Variants in NAV2 observed in about 807,000 individuals in gnomAD.
NAV2 encodes the protein helicase, APC down-regulated 1.
Under a neutral mutation model 223.2 loss-of-function variants are expected in NAV2, and 54 were observed. The ratio of observed to expected loss-of-function variants is 0.24; its 90% confidence interval spans 0.19 to 0.30. The LOEUF is 0.30. NAV2 is among the 10% of genes least tolerant of loss of function. NAV2 has a pLI of 1.00. For missense variants in NAV2, 2,806 were observed against 3,147.5 expected, an observed-to-expected ratio of 0.89 and a Z score of 2.60; for synonymous variants, 1,279 against 1,239.3, an observed-to-expected ratio of 1.03 and a Z score of -0.67.
At chr11:19,538,178 A>G (rs1267447541) in intron 1 of NAV2, among the ~76,000 whole-genome samples, 2 of 152,182 alleles carry the variant, frequency 1.3e-5, no homozygotes, top group Admixed American at 1.3e-4. Context: ...TTGATATTGG[A>G]AGGATCCTGG....
At chr11:19,696,300 A>G (rs1349812107) in intron 1 of NAV2, among the ~76,000 whole-genome samples, 1 of 152,254 alleles carries the variant, frequency 6.6e-6, no homozygotes, top group Non-Finnish European at 1.5e-5. Flanking sequence ...GGATTCAGGA[A>G]GTGCATTTGT....
intron 1 of NAV2, among the ~76,000 whole-genome samples, chr11:19,719,192 C>T (rs1045016679): frequency 6.6e-6 from 1 of 152,128 alleles, no homozygotes; most frequent in African/African-American, 2.4e-5. Context: ...TCTCAGAATC[C>T]GCCTCAGCAG....
intron 1 of NAV2, among the ~76,000 whole-genome samples, chr11:19,370,124 G>A (rs1240768373): frequency 2.0e-5 from 3 of 152,108 alleles, no homozygotes; most frequent in Non-Finnish European, 4.4e-5. Context: ...TCCCTGATAC[G>A]CTCTTTCATT....
chr11:19,798,860 A>C (rs1290632419), intron 1 of NAV2, among the ~76,000 whole-genome samples: 1 of 152,190 alleles, frequency 6.6e-6, no homozygotes, highest in African/African-American at 2.4e-5. Context: ...CCTGACTTCG[A>C]CCTATGAATC....
At chr11:19,764,571 A>AT (rs1229193491) in intron 1 of NAV2, among the ~76,000 whole-genome samples, 4 of 152,154 alleles carry the variant, frequency 2.6e-5, no homozygotes, top group Admixed American at 2.0e-4. Flanking sequence ...CAAATGGAGA[A>AT]TTTTTTCCTT....
chr11:19,665,915 A>AATC (rs570038146), intron 1 of NAV2, among the ~76,000 whole-genome samples: 7 of 152,126 alleles, frequency 4.6e-5, no homozygotes, highest in African/African-American at 1.2e-4. Context: ...AAGAATGCAG[A>AATC]ATCATCATCA....
chr11:19,666,928 T>C (rs2048427296), intron 1 of NAV2, among the ~76,000 whole-genome samples: 1 of 152,160 alleles, frequency 6.6e-6, no homozygotes. Context: ...CCAGGTTATT[T>C]CCACATGCAA....
chr11:19,620,061 G>C (rs2046937207), intron 1 of NAV2, among the ~76,000 whole-genome samples: 1 of 152,190 alleles, frequency 6.6e-6, no homozygotes, highest in African/African-American at 2.4e-5. Flanking sequence ...TCAAAGATCA[G>C]ATAGTTGTAG....
chr11:19,611,237 G>A (rs2046634139), intron 1 of NAV2, among the ~76,000 whole-genome samples: 2 of 152,134 alleles, frequency 1.3e-5, no homozygotes, highest in Non-Finnish European at 2.9e-5. Flanking sequence ...CTCCCCCTGG[G>A]TCCCTCCCAC....
At chr11:19,441,250 G>T (rs1287958772) in intron 1 of NAV2, among the ~76,000 whole-genome samples, 1 of 152,168 alleles carries the variant, frequency 6.6e-6, no homozygotes, top group Admixed American at 6.5e-5. Context: ...GGAGATGGAT[G>T]GGTCTAGAGC....
intron 36 of NAV2, among the ~76,000 whole-genome samples, chr11:20,113,774 C>A (rs1039080274): frequency 1.3e-5 from 2 of 152,046 alleles, no homozygotes; most frequent in African/African-American, 4.8e-5. Context: ...TTTGGGAGAC[C>A]AAGGCACGAG....
intron 3 of NAV2, among the ~76,000 whole-genome samples, chr11:19,862,968 G>C (rs1422805734): frequency 6.6e-6 from 1 of 152,084 alleles, no homozygotes; most frequent in Non-Finnish European, 1.5e-5. Flanking sequence ...TTAGAAGGAC[G>C]TGGAGACCTC....
chr11:19,784,388 T>TAAAAAAAAA (rs1162911472), intron 1 of NAV2, among the ~76,000 whole-genome samples: 5 of 50,948 alleles, frequency 9.8e-5, no homozygotes, highest in African/African-American at 3.7e-4. Context: ...AGCTCCATCT[T>TAAAAAAAAA]AAAAAAAAAA....
At chr11:19,939,582 G>A in intron 7 of NAV2, 79 bp from the exon 8 acceptor site, 1 of 1,021,136 alleles carries the variant, frequency 9.8e-7, no homozygotes, top group South Asian at 1.4e-5. Flanking sequence ...GATGGTGAGG[G>A]CTGTGGTTAG....
At chr11:19,532,123 G>A (rs938957271) in intron 1 of NAV2, among the ~76,000 whole-genome samples, 3 of 152,218 alleles carry the variant, frequency 2.0e-5, no homozygotes, top group Non-Finnish European at 4.4e-5. Context: ...TTTGAGCAGG[G>A]AGATTCATGG....
chr11:19,778,614 A>G (rs1035171296), intron 1 of NAV2, among the ~76,000 whole-genome samples: 9 of 152,230 alleles, frequency 5.9e-5, no homozygotes, highest in Non-Finnish European at 8.8e-5. Flanking sequence ...GGGTCTTCAT[A>G]TAATGAACTT....
chr11:19,826,741 T>A (rs1485389499), intron 1 of NAV2, among the ~76,000 whole-genome samples: 1 of 152,052 alleles, frequency 6.6e-6, no homozygotes, highest in African/African-American at 2.4e-5. Flanking sequence ...AGCTATGGAG[T>A]GATTTATTTT....
chr11:19,867,515 G>T (rs1188709087), intron 3 of NAV2, among the ~76,000 whole-genome samples: 1 of 152,234 alleles, frequency 6.6e-6, no homozygotes, highest in South Asian at 2.1e-4. Flanking sequence ...TCCTCCATGT[G>T]TATAAGAAAG....
chr11:19,417,603 C>T (rs777980540), intron 1 of NAV2, among the ~76,000 whole-genome samples: 4 of 152,096 alleles, frequency 2.6e-5, no homozygotes, highest in Non-Finnish European at 5.9e-5. Context: ...GGGTATATAC[C>T]CAAAGGATTG....
Sources: gnomAD v4.1 joint callset for allele counts (sites outside exome capture counted in the v4.1 genomes callset) on GRCh38, gnomAD v4.1.1 for gene constraint, MANE v1.5 for transcripts, NCBI Gene and HGNC (gene_info 2026-07-23, HGNC 2026-07-21) for gene names.